The following GALNT13 variants were observed in gnomAD, a reference collection of about 807,000 sequenced individuals.
GALNT13 encodes the protein UDP-GalNAc:polypeptide N-acetylgalactosaminyltransferase 13.
A neutral mutation model predicts 64.2 loss-of-function variants in GALNT13; 28 were observed. The ratio of observed to expected loss-of-function variants is 0.44; its 90% CI spans 0.32 to 0.60. The LOEUF (loss-of-function observed/expected upper bound fraction) is 0.60, where lower values mean the gene tolerates loss of function less well. GALNT13 is among the 20% of genes least tolerant of loss of function. GALNT13 has a pLI of 0.05. For synonymous variants in GALNT13, 214 were observed against 224.6 expected (o/e 0.95, Z 0.42); for missense variants, 577 against 669.8 (o/e 0.86, Z 1.53).
chr2:153,976,914 T>C (rs1374344911), intron 3 of GALNT13, among the ~76,000 whole-genome samples: 1 of 152,040 alleles, frequency 6.6e-6, no homozygotes, highest in Non-Finnish European at 1.5e-5. Flanking sequence ...AAATAATAAT[T>C]GAAATAATTC....
the GALNT13 span, among the ~76,000 whole-genome samples, chr2:153,632,859 TCTC>T: frequency 6.6e-6 from 1 of 152,006 alleles, no homozygotes. Flanking sequence ...TTCAAGCAAT[TCTC>T]CTGTCTCAGC....
chr2:154,258,026 T>C (rs913872149), intron 7 of GALNT13, among the ~76,000 whole-genome samples: 1 of 152,152 alleles, frequency 6.6e-6, no homozygotes, highest in Non-Finnish European at 1.5e-5. Context: ...TGCCCATCTT[T>C]TTTTTTAAAG....
chr2:153,166,671 G>GTGTGTGTGTGTGT, the GALNT13 span, among the ~76,000 whole-genome samples: 4 of 145,148 alleles, frequency 2.8e-5, no homozygotes, highest in Non-Finnish European at 4.5e-5. Flanking sequence ...GTGTGTGTGT[G>GTGTGTGTGTGTGT]ATGGGACTGT....
intron 9 of GALNT13, among the ~76,000 whole-genome samples, chr2:154,393,044 C>G (rs1698870276): frequency 1.3e-5 from 2 of 152,124 alleles, no homozygotes; most frequent in Non-Finnish European, 2.9e-5. Flanking sequence ...AATGAAGAAC[C>G]TTGGAGATGG....
At chr2:154,285,666 C>T (rs1163008170) in intron 8 of GALNT13, among the ~76,000 whole-genome samples, 1 of 152,032 alleles carries the variant, frequency 6.6e-6, no homozygotes, top group Non-Finnish European at 1.5e-5. Context: ...TCAAGCTTTG[C>T]TCTTTTTGTT....
At chr2:153,762,978 A>G in the GALNT13 span, among the ~76,000 whole-genome samples, 5,133 of 151,858 alleles carry the variant, frequency 0.034, 124 homozygotes, top group Non-Finnish European at 0.052. Context: ...GCTGATAACA[A>G]TTTAACTTTG....
At chr2:153,110,240 T>C in the GALNT13 span, among the ~76,000 whole-genome samples, 1 of 152,082 alleles carries the variant, frequency 6.6e-6, no homozygotes, top group Non-Finnish European at 1.5e-5. Flanking sequence ...CACTTCCTGT[T>C]CCTGGGCCCC....
chr2:153,591,280 C>G, the GALNT13 span, among the ~76,000 whole-genome samples: 5 of 152,022 alleles, frequency 3.3e-5, no homozygotes, highest in African/African-American at 9.6e-5. Context: ...AGGACAATTA[C>G]AAAACATTGA....
At chr2:153,980,584 G>A (rs17585805) in intron 3 of GALNT13, among the ~76,000 whole-genome samples, 10,669 of 152,140 alleles carry the variant, frequency 0.07, 442 homozygotes, top group Middle Eastern at 0.13. Context: ...TTTAGTCTTG[G>A]ATAGGTTGCA....
the GALNT13 span, among the ~76,000 whole-genome samples, chr2:153,413,334 GTA>G: frequency 6.6e-6 from 1 of 152,094 alleles, no homozygotes; most frequent in Non-Finnish European, 1.5e-5. Context: ...GTGCACTGGG[GTA>G]TAAGCAAAGG....
intron 3 of GALNT13, among the ~76,000 whole-genome samples, chr2:154,012,356 G>A (rs1696691585): frequency 6.6e-6 from 1 of 152,210 alleles, no homozygotes; most frequent in East Asian, 1.9e-4. Flanking sequence ...GAAATTTTTG[G>A]TTGGAATTTC....
At chr2:153,691,315 G>C in the GALNT13 span, among the ~76,000 whole-genome samples, 1 of 152,102 alleles carries the variant, frequency 6.6e-6, no homozygotes, top group South Asian at 2.1e-4. Context: ...GCCGGAGAGA[G>C]AGACTGCAAG....
intron 3 of GALNT13, among the ~76,000 whole-genome samples, chr2:154,050,068 T>G (rs1008594079): frequency 1.3e-5 from 2 of 152,140 alleles, no homozygotes; most frequent in Non-Finnish European, 2.9e-5. Context: ...GATTCAATAT[T>G]TATGTCAGTT....
intron 3 of GALNT13, among the ~76,000 whole-genome samples, chr2:153,961,010 C>G (rs546881540): frequency 6.6e-6 from 1 of 152,210 alleles, no homozygotes; most frequent in East Asian, 1.9e-4. Flanking sequence ...TTAAAGGTAA[C>G]TACTCAAGTC....
chr2:153,118,225 C>A, the GALNT13 span, among the ~76,000 whole-genome samples: 1 of 151,970 alleles, frequency 6.6e-6, no homozygotes, highest in Non-Finnish European at 1.5e-5. Flanking sequence ...AAGGCATTTT[C>A]TCCCTAGTTG....
chr2:154,250,751 A>G (rs2105886882), intron 7 of GALNT13, among the ~76,000 whole-genome samples: 1 of 152,220 alleles, frequency 6.6e-6, no homozygotes, highest in African/African-American at 2.4e-5. Flanking sequence ...AATTTTTATC[A>G]GATTGTATTA....
At chr2:153,771,823 A>T in the GALNT13 span, among the ~76,000 whole-genome samples, 1 of 152,166 alleles carries the variant, frequency 6.6e-6, no homozygotes, top group African/African-American at 2.4e-5. Context: ...ATGCCTGGGA[A>T]TATGCCTGGG....
chr2:154,421,562 C>T (rs1435450858), intron 11 of GALNT13, among the ~76,000 whole-genome samples: 1 of 151,366 alleles, frequency 6.6e-6, no homozygotes, highest in Non-Finnish European at 1.5e-5. Flanking sequence ...ATGAGATTGT[C>T]ATTTTTCTGT....
the GALNT13 span, among the ~76,000 whole-genome samples, chr2:153,782,750 A>G: frequency 2.6e-5 from 4 of 152,164 alleles, no homozygotes; most frequent in Admixed American, 2.6e-4. Context: ...GAAGAAACCA[A>G]TCCTATCAAC....
Sources: gnomAD v4.1 joint callset for allele counts (sites outside exome capture counted in the v4.1 genomes callset) on GRCh38, gnomAD v4.1.1 for gene constraint, MANE v1.5 for transcripts, NCBI Gene and HGNC (gene_info 2026-07-23, HGNC 2026-07-21) for gene names.